NRXN3: variants seen among roughly 807,000 people sequenced by gnomAD.
NRXN3 encodes neurexin 3, also known as neurexin III.
A neutral mutation model predicts 137.6 loss-of-function variants in NRXN3; 32 were observed. The observed-to-expected ratio is 0.23, with a 90% CI of 0.18 to 0.31. The LOEUF (loss-of-function observed/expected upper bound fraction) is 0.31, where lower values mean the gene tolerates loss of function less well. Ranked by LOEUF, NRXN3 falls within the 10% of genes least tolerant of loss-of-function variation. NRXN3 has a pLI of 1.00. For synonymous variants in NRXN3, 798 were observed against 784.5 expected (o/e 1.02, Z -0.29); for missense variants, 1,574 against 2,062.5 (o/e 0.76, Z 4.59).
intron 10 of NRXN3, among the ~76,000 whole-genome samples, chr14:78,812,176 T>C (rs2098916038): frequency 6.6e-6 from 1 of 152,210 alleles, no homozygotes; most frequent in Non-Finnish European, 1.5e-5. Flanking sequence ...TGGTCATTTG[T>C]AGCTAATCCC....
At chr14:78,173,469 C>T (rs1050049923) in intron 1 of NRXN3, among the ~76,000 whole-genome samples, 5 of 143,444 alleles carry the variant, frequency 3.5e-5, no homozygotes, top group Admixed American at 6.8e-5. Context: ...AACAGTGGAG[C>T]GGTCGGGTTG....
At chr14:78,184,695 C>T (rs2060083279) in intron 1 of NRXN3, among the ~76,000 whole-genome samples, 1 of 152,168 alleles carries the variant, frequency 6.6e-6, no homozygotes, top group Non-Finnish European at 1.5e-5. Context: ...AATGTAAAGC[C>T]TATGGCTAGC....
chr14:79,629,552 G>C (rs190741106), intron 16 of NRXN3, among the ~76,000 whole-genome samples: 318 of 152,260 alleles, frequency 2.1e-3, no homozygotes, highest in Non-Finnish European at 3.4e-3. Context: ...ATGGTGGGGG[G>C]TAGGGTTGGG....
chr14:79,256,172 GTC>G (rs111298626), intron 15 of NRXN3, among the ~76,000 whole-genome samples: 83 of 144,650 alleles, frequency 5.7e-4, no homozygotes, highest in Middle Eastern at 3.5e-3. Context: ...CTCTCTCTCT[GTC>G]TCTCTCTCTC....
At chr14:79,208,988 G>GA (rs2067222247) in intron 15 of NRXN3, among the ~76,000 whole-genome samples, 1 of 152,130 alleles carries the variant, frequency 6.6e-6, no homozygotes, top group South Asian at 2.1e-4. Context: ...ACCCAGGCTG[G>GA]AGTGCAGTGG....
intron 14 of NRXN3, among the ~76,000 whole-genome samples, chr14:78,974,481 A>G (rs974917984): frequency 6.6e-6 from 1 of 152,216 alleles, no homozygotes; most frequent in Non-Finnish European, 1.5e-5. Flanking sequence ...GAAGTGAGTC[A>G]TTGATTTCTA....
At chr14:79,577,570 T>A (rs1026996381) in intron 16 of NRXN3, among the ~76,000 whole-genome samples, 3 of 152,230 alleles carry the variant, frequency 2.0e-5, no homozygotes, top group African/African-American at 7.2e-5. Flanking sequence ...TTGAAATTGG[T>A]AAACATTATC....
In NRXN3 at chr14:78,943,615, A is replaced by T. The variant is rs866797008; in HGVS notation, c.2276-13627A>T. On this transcript the variant is annotated intron_variant, in intron 10 of 20. Coordinates refer to ENST00000335750, the MANE Select transcript of NRXN3 (RefSeq NM_001330195.2). ...AAAAGAAGCAAGATCACTGTTAAAA[A>T]AAAAAAATATATATATATATATATA... 1.6e-3 allele frequency among the ~76,000 whole-genome samples: 68 copies of T among 42,470 alleles called. 3 individuals are homozygous for T. Among genetic ancestry groups the T allele is most frequent in the South Asian group, 8.6e-3 (7 of 812 alleles). The allele number at this position is 42,470 out of a possible 152,430, so 27.9% of individuals were successfully genotyped here. A position where few individuals can be genotyped will look rare whatever the true frequency, so the allele number is the denominator to read the frequency against.
At chr14:78,912,750 G>T (rs1407285596) in intron 10 of NRXN3, among the ~76,000 whole-genome samples, 1 of 152,162 alleles carries the variant, frequency 6.6e-6, no homozygotes, top group African/African-American at 2.4e-5. Context: ...GAAAGTGCTT[G>T]GAGTTTCTGA....
chr14:78,658,133 T>C (rs1181381587), intron 6 of NRXN3, among the ~76,000 whole-genome samples: 1 of 152,206 alleles, frequency 6.6e-6, no homozygotes, highest in Non-Finnish European at 1.5e-5. Context: ...CTTTTTCCTG[T>C]CATGAAGACT....
intron 16 of NRXN3, among the ~76,000 whole-genome samples, chr14:79,517,661 T>G (rs2097006740): frequency 9.1e-6 from 1 of 109,540 alleles, no homozygotes; most frequent in Non-Finnish European, 2.5e-5. Flanking sequence ...TGATACAAAT[T>G]TAATATTTTT....
intron 4 of NRXN3, among the ~76,000 whole-genome samples, chr14:78,549,797 A>G (rs1311898918): frequency 2.0e-5 from 3 of 152,154 alleles, no homozygotes; most frequent in Non-Finnish European, 2.9e-5. Context: ...TTAGTTTACT[A>G]TGCATTCATA....
Position 78,803,819 on chromosome 14 carries a change from C to T in NRXN3, c.2244C>T (p.Asn748=), listed in dbSNP as rs1452264311. The T allele has an allele frequency of 2.5e-6, 4 of 1,612,972 alleles. No individual in the cohort carries two copies. The highest frequency in any genetic ancestry group is 3.4e-6 in the Non-Finnish European group (4 of 1,179,952). Residue 748 remains asparagine (N), a synonymous_variant, in exon 9 of 21, where the codon AAC becomes AAT. Coordinates refer to ENST00000335750, the MANE Select transcript of NRXN3 (RefSeq NM_001330195.2). ...LDGGRVKLMV[N]LDCIRINCNS... ...GGGGGCGTGTCAAGCTCATGGTTAA[C>T]TTAGGTATCGTATGAAGTACCCTCT... is the stretch of plus-strand genomic sequence containing the variant.
chr14:79,719,429 A>G (rs1281133928), intron 19 of NRXN3, among the ~76,000 whole-genome samples: 1 of 40,786 alleles, frequency 2.5e-5, no homozygotes, highest in Non-Finnish European at 5.7e-5. Context: ...TACCTTTCCC[A>G]TTTCAAAAAC....
chr14:79,454,957 T>G (rs1306822627), intron 15 of NRXN3, among the ~76,000 whole-genome samples: 1 of 152,228 alleles, frequency 6.6e-6, no homozygotes, highest in Non-Finnish European at 1.5e-5. Context: ...CAAAAAATGT[T>G]TATCAATTTT....
chr14:78,994,342 G>A (rs1328001105), intron 15 of NRXN3, among the ~76,000 whole-genome samples: 1 of 151,956 alleles, frequency 6.6e-6, no homozygotes, highest in African/African-American at 2.4e-5. Context: ...TGACATTTTT[G>A]CCCTGCTTTG....
chr14:78,276,490 C>T (rs532505236), intron 2 of NRXN3, among the ~76,000 whole-genome samples: 12 of 152,290 alleles, frequency 7.9e-5, no homozygotes, highest in African/African-American at 2.4e-4. Context: ...GAGTCACTAA[C>T]GTTATGTAGC....
chr14:79,101,761 T>A (rs2051348427), intron 15 of NRXN3, among the ~76,000 whole-genome samples: 1 of 152,124 alleles, frequency 6.6e-6, no homozygotes, highest in Non-Finnish European at 1.5e-5. Flanking sequence ...GTGACCTTAT[T>A]TGGAAGGAGG....
intron 15 of NRXN3, among the ~76,000 whole-genome samples, chr14:79,110,750 G>A (rs2053323553): frequency 6.9e-6 from 1 of 144,148 alleles, no homozygotes; most frequent in Admixed American, 7.0e-5. Flanking sequence ...TTCTTTCAAT[G>A]AGAAATTATT....
Sources: gnomAD v4.1 joint callset for allele counts (sites outside exome capture counted in the v4.1 genomes callset) on GRCh38, gnomAD v4.1.1 for gene constraint, MANE v1.5 for transcripts, NCBI Gene and HGNC (gene_info 2026-07-23, HGNC 2026-07-21) for gene names.